Variants in ABI3BP observed in about 807,000 individuals in gnomAD.
ABI3BP encodes ABI family member 3 binding protein, also known as target of Nesh-SH3.
Under a neutral mutation model 268.6 loss-of-function variants are expected in ABI3BP, and 216 were observed. That is an observed-to-expected ratio of 0.80 (90% CI 0.72 to 0.90). The LOEUF is 0.90. Among genes scored for constraint, ABI3BP ranks in the 40% least tolerant of loss-of-function variants. The pLI is 0.00. For synonymous variants in ABI3BP, 730 were observed against 730.0 expected, an observed-to-expected ratio of 1.00 and a Z score of 0.00; for missense variants, 2,090 against 2,182.4, an observed-to-expected ratio of 0.96 and a Z score of 0.84.
At chr3:100,943,949 C>G (rs1211125893) in intron 1 of ABI3BP, among the ~76,000 whole-genome samples, 2 of 152,000 alleles carry the variant, frequency 1.3e-5, no homozygotes, top group African/African-American at 4.8e-5. Flanking sequence ...ACCAGGGAAA[C>G]AAAACTATCA....
At chr3:100,785,831 C>T (rs1352279483) in intron 57 of ABI3BP, among the ~76,000 whole-genome samples, 1 of 152,102 alleles carries the variant, frequency 6.6e-6, no homozygotes, top group African/African-American at 2.4e-5. Context: ...TTCTTAATTT[C>T]CTGAGAGCTT....
In ABI3BP at chr3:100,867,364, G is replaced by T. The variant is rs114459426; in HGVS notation, c.911-408C>A. 3.5e-3 allele frequency among the ~76,000 whole-genome samples: 533 copies of T among 152,026 alleles called. 1 individual carries two copies. The highest frequency in any genetic ancestry group is 0.012 in the African/African-American group (493 of 41,498). On this transcript the variant is annotated intron_variant, in intron 9 of 67. Transcript: ENST00000471714. ...ATCAACCTATAGAAAATTTCCGGCC[G>T]GGCGTGGTGGCTCATGCTTGTAATC...
intron 1 of ABI3BP, among the ~76,000 whole-genome samples, chr3:100,975,691 G>A (rs529489768): frequency 6.6e-6 from 1 of 152,184 alleles, no homozygotes; most frequent in African/African-American, 2.4e-5. Flanking sequence ...ATCCTTCCCT[G>A]GCAACTATGG....
At chr3:100,938,601 CTT>C (rs1252999502) in intron 1 of ABI3BP, among the ~76,000 whole-genome samples, 1 of 151,308 alleles carries the variant, frequency 6.6e-6, no homozygotes, top group African/African-American at 2.4e-5. Context: ...CGTAAAATGA[CTT>C]TTTTCTTATC....
rs376392494 is a variant in ABI3BP, at chr3:100,780,183, C to G, written c.4189G>C (p.Gly1397Arg). Residue 1397 changes from glycine to arginine, a missense_variant, in exon 58 of 68, where the codon GGT becomes CGT. By Grantham distance (125) the Gly-to-Arg change is moderately radical. Transcript: ENST00000471714. ...TGVKQAPRPSGADRNVSVDST... is the reference protein window; with the variant it reads ...TGVKQAPRPSRADRNVSVDST... ...TCCACTGATACATTTCTATCAGCAC[C>G]TGATGGCCTGGGTGCTTGCTTGACC... 7.3e-5 allele frequency: 118 copies of G among 1,612,790 alleles called. No individual in the cohort carries two copies. The highest frequency in any genetic ancestry group is 4.9e-4 in the Middle Eastern group (3 of 6,078).
chr3:100,840,378 CTGTT>C (rs1388685287), intron 22 of ABI3BP, among the ~76,000 whole-genome samples: 4 of 152,092 alleles, frequency 2.6e-5, no homozygotes, highest in Non-Finnish European at 5.9e-5. Flanking sequence ...AGAGATCTGT[CTGTT>C]CTTCCATTTT....
chr3:100,893,982 A>G (rs989096201), intron 4 of ABI3BP, among the ~76,000 whole-genome samples: 3 of 152,092 alleles, frequency 2.0e-5, no homozygotes, highest in Non-Finnish European at 4.4e-5. Context: ...GATAGTCTAG[A>G]TTTCCTCAGT....
At chr3:100,982,746 A>G (rs1367344764) in intron 1 of ABI3BP, among the ~76,000 whole-genome samples, 3 of 152,122 alleles carry the variant, frequency 2.0e-5, no homozygotes, top group African/African-American at 7.2e-5. Context: ...CAGCAGGATC[A>G]TTAGGGGAGT....
intron 1 of ABI3BP, among the ~76,000 whole-genome samples, chr3:100,981,698 G>A (rs924455083): frequency 6.6e-6 from 1 of 152,196 alleles, no homozygotes; most frequent in African/African-American, 2.4e-5. Flanking sequence ...CTCCTTCAGG[G>A]AGAGCTGGAT....
At chr3:100,801,677 G>T (rs1275024455) in intron 51 of ABI3BP, among the ~76,000 whole-genome samples, 1 of 151,776 alleles carries the variant, frequency 6.6e-6, no homozygotes, top group African/African-American at 2.4e-5. Context: ...AAAATTGTTT[G>T]AAAAAAAGAA....
chr3:100,839,179 T>C (rs545331569), intron 24 of ABI3BP, among the ~76,000 whole-genome samples: 17 of 152,330 alleles, frequency 1.1e-4, no homozygotes, highest in African/African-American at 3.6e-4. Context: ...AAGAAAGTCC[T>C]AGAAGTTGAA....
chr3:100,874,519 T>A lies in ABI3BP; in HGVS notation c.910+322A>T, dbSNP rs1581460893. Among the ~76,000 whole-genome samples the A allele has an allele frequency of 2.0e-5, 3 of 152,144 alleles. No individual in the cohort carries two copies. The East Asian group carries it at 5.8e-4, about 29-fold the overall frequency. On this transcript the variant is annotated intron_variant, in intron 9 of 67. Transcript: ENST00000471714. Reference sequence around the variant, plus strand: ...ATCAATTCTCATTGCAAATACCTAGTCGCCCCATAATAGTATAGTAAGTAT... The same window carrying A: ...ATCAATTCTCATTGCAAATACCTAGACGCCCCATAATAGTATAGTAAGTAT...
At chr3:100,954,726 A>C (rs529792041) in intron 1 of ABI3BP, among the ~76,000 whole-genome samples, 21 of 152,086 alleles carry the variant, frequency 1.4e-4, no homozygotes, top group Non-Finnish European at 2.2e-4. Context: ...TAGTGTGAAA[A>C]TCTTGTTTGA....
intron 4 of ABI3BP, among the ~76,000 whole-genome samples, chr3:100,886,969 A>G (rs904131994): frequency 2.0e-5 from 3 of 152,050 alleles, no homozygotes; most frequent in African/African-American, 7.2e-5. Flanking sequence ...ACACATATAT[A>G]TGTGTAAAAT....
At chr3:100,817,117 C>T (rs2098078006) in intron 42 of ABI3BP, among the ~76,000 whole-genome samples, 1 of 152,128 alleles carries the variant, frequency 6.6e-6, no homozygotes. Flanking sequence ...TATGATATAG[C>T]CACCAGCAAC....
intron 6 of ABI3BP, among the ~76,000 whole-genome samples, chr3:100,885,236 A>G (rs2041406691): frequency 6.6e-6 from 1 of 152,106 alleles, no homozygotes; most frequent in African/African-American, 2.4e-5. Flanking sequence ...GAAACATTAT[A>G]TTAAAAAGCA....
chr3:100,886,351 T>G, intron 4 of ABI3BP, 28 bp from the exon 5 acceptor site: 1 of 1,477,636 alleles, frequency 6.8e-7, no homozygotes, highest in East Asian at 2.5e-5. Context: ...TATAATGCTT[T>G]AAAATCACAG....
intron 1 of ABI3BP, among the ~76,000 whole-genome samples, chr3:100,949,691 T>C (rs1252919368): frequency 6.6e-6 from 1 of 152,188 alleles, no homozygotes; most frequent in Non-Finnish European, 1.5e-5. Flanking sequence ...CATATGACAA[T>C]TAGATAAGCT....
chr3:100,949,214 C>G (rs2153746965), intron 1 of ABI3BP, among the ~76,000 whole-genome samples: 1 of 152,146 alleles, frequency 6.6e-6, no homozygotes, highest in Non-Finnish European at 1.5e-5. Flanking sequence ...AGTGAGTTGG[C>G]ACAGTTTAAC....
Sources: allele counts gnomAD v4.1 joint callset (sites outside exome capture counted in the v4.1 genomes callset), GRCh38; gene constraint gnomAD v4.1.1; transcripts MANE v1.5; gene names NCBI Gene and HGNC (gene_info 2026-07-23, HGNC 2026-07-21).